AGMO: variants seen among roughly 807,000 people sequenced by gnomAD.
The protein encoded by AGMO is glyceryl-ether monooxygenase.
A neutral mutation model predicts 60.2 loss-of-function variants in AGMO; 75 were observed. The ratio of observed to expected loss-of-function variants is 1.25; its 90% CI spans 1.03 to 1.51. The LOEUF (loss-of-function observed/expected upper bound fraction) is 1.51, where lower values mean the gene tolerates loss of function less well. Among genes scored for constraint, AGMO ranks in the 40% most tolerant of loss-of-function variants. AGMO has a pLI of 0.00. For missense variants in AGMO, 763 were observed against 525.5 expected (o/e 1.45, Z -4.42); for synonymous variants, 261 against 177.1 (o/e 1.47, Z -3.76).
At chr7:15,354,311 C>CACGTGTATACAG (rs1782369785) in intron 12 of AGMO, among the ~76,000 whole-genome samples, 2 of 84,796 alleles carry the variant, frequency 2.4e-5, no homozygotes, top group Non-Finnish European at 4.4e-5. Flanking sequence ...TACGTGTATA[C>CACGTGTATACAG]ACGCGTGTAT....
chr7:15,543,740 G>T (rs1784692728), intron 3 of AGMO, among the ~76,000 whole-genome samples: 2 of 151,910 alleles, frequency 1.3e-5, no homozygotes, highest in Non-Finnish European at 2.9e-5. Context: ...ACATGCATGT[G>T]CAAGTATCTT....
chr7:15,518,614 G>A (rs975325992), intron 3 of AGMO, among the ~76,000 whole-genome samples: 4 of 152,086 alleles, frequency 2.6e-5, no homozygotes, highest in Non-Finnish European at 5.9e-5. Flanking sequence ...CAAACAAGAA[G>A]CAGTAGCATT....
At chr7:15,492,281 C>G (rs948689081) in intron 3 of AGMO, among the ~76,000 whole-genome samples, 2 of 148,622 alleles carry the variant, frequency 1.3e-5, no homozygotes, top group Non-Finnish European at 3.0e-5. Context: ...GGAGTTAAGA[C>G]TAAGTCCTAC....
the AGMO span, among the ~76,000 whole-genome samples, chr7:15,181,291 T>A: frequency 6.6e-6 from 1 of 152,304 alleles, no homozygotes; most frequent in South Asian, 2.1e-4. Flanking sequence ...GTCTTTCACA[T>A]AAAATTTCAA....
At chr7:15,215,105 C>G (rs965253375) in intron 12 of AGMO, among the ~76,000 whole-genome samples, 3 of 152,026 alleles carry the variant, frequency 2.0e-5, no homozygotes, top group Admixed American at 6.6e-5. Flanking sequence ...AAATCGAATA[C>G]TAGCATTTTC....
At chr7:15,232,789 C>CCACACACACA (rs1028271575) in intron 12 of AGMO, among the ~76,000 whole-genome samples, 102 of 88,532 alleles carry the variant, frequency 1.2e-3, no homozygotes, top group Middle Eastern at 6.5e-3. Flanking sequence ...AACATGGAAA[C>CCACACACACA]CACACACACA....
chr7:15,350,704 A>C (rs1194974699), intron 12 of AGMO, among the ~76,000 whole-genome samples: 6 of 152,178 alleles, frequency 3.9e-5, no homozygotes, highest in Admixed American at 2.0e-4. Flanking sequence ...CCTCAGAGAA[A>C]AGGAATGAAC....
chr7:15,387,420 C>T lies in AGMO; in HGVS notation c.943G>A (p.Glu315Lys). ...ACTCTATTTACCTCTGGAATTTCTT[C>T]ACTGAGACCAAGTCTTGGTTTACCT... ...GPGKPRLGLS[E>K]EIPEVTGKEV... The change falls in exon 9 of 13, where the codon GAA becomes AAA. Residue 315 changes from glutamate (E) to lysine (K), a missense_variant. Physicochemically the swap from Glu to Lys is moderately conservative, Grantham distance 56. Transcript: ENST00000342526. The T allele has an allele frequency of 6.2e-7, 1 of 1,612,888 alleles. No homozygotes were observed. Among genetic ancestry groups the T allele is most frequent in the South Asian group, 1.1e-5 (1 of 90,934 alleles).
At chr7:15,487,618 C>T (rs1782956023) in intron 3 of AGMO, among the ~76,000 whole-genome samples, 1 of 151,952 alleles carries the variant, frequency 6.6e-6, no homozygotes, top group South Asian at 2.1e-4. Context: ...AAGCAGGATC[C>T]CATTTTCTCC....
chr7:15,297,986 T>C (rs1416952195), intron 12 of AGMO, among the ~76,000 whole-genome samples: 1 of 152,166 alleles, frequency 6.6e-6, no homozygotes. Flanking sequence ...ATCATTACCG[T>C]CTAAAGGCAA....
chr7:15,383,126 C>T (rs1242574707), intron 10 of AGMO, among the ~76,000 whole-genome samples: 1 of 151,992 alleles, frequency 6.6e-6, no homozygotes, highest in African/African-American at 2.4e-5. Flanking sequence ...CAGTGATGTA[C>T]AGATAAACTA....
chr7:15,141,621 T>C, the AGMO span, among the ~76,000 whole-genome samples: 4 of 151,970 alleles, frequency 2.6e-5, no homozygotes, highest in Non-Finnish European at 5.9e-5. Context: ...AAAAAAACTA[T>C]GTGTTATGCA....
At chr7:15,355,411 G>C (rs960587733) in intron 12 of AGMO, among the ~76,000 whole-genome samples, 1 of 145,248 alleles carries the variant, frequency 6.9e-6, no homozygotes, top group Admixed American at 7.2e-5. Flanking sequence ...GCTGAGGAAG[G>C]AGAACAGCGT....
intron 12 of AGMO, among the ~76,000 whole-genome samples, chr7:15,323,778 T>C (rs1583408655): frequency 6.6e-6 from 1 of 152,308 alleles, no homozygotes; most frequent in African/African-American, 2.4e-5. Flanking sequence ...CGTGGTATTG[T>C]GCTAGATGAT....
chr7:15,354,446 GTGTGTGTATACACA>G (rs1563105639), intron 12 of AGMO, among the ~76,000 whole-genome samples: 1,333 of 19,600 alleles, frequency 0.068, 343 homozygotes, highest in African/African-American at 0.35. Context: ...GTATACACAC[GTGTGTGTATACACA>G]CGTGTGTGTA....
At chr7:15,270,068 A>G (rs989339070) in intron 12 of AGMO, among the ~76,000 whole-genome samples, 2 of 152,092 alleles carry the variant, frequency 1.3e-5, no homozygotes, top group African/African-American at 4.8e-5. Context: ...GCCGCAAAAA[A>G]GATATAAATG....
chr7:15,558,919 T>A (rs1041298587), intron 2 of AGMO, among the ~76,000 whole-genome samples: 2 of 152,056 alleles, frequency 1.3e-5, no homozygotes, highest in Non-Finnish European at 2.9e-5. Context: ...GAAGTAAAGC[T>A]CTTAAAACAG....
chr7:15,417,274 A>G (rs1160972770), intron 5 of AGMO, among the ~76,000 whole-genome samples: 1 of 152,170 alleles, frequency 6.6e-6, no homozygotes, highest in African/African-American at 2.4e-5. Context: ...CTTGGCAAAC[A>G]GGAATAAGTC....
intron 12 of AGMO, among the ~76,000 whole-genome samples, chr7:15,289,721 A>T (rs1784203050): frequency 6.6e-6 from 1 of 152,030 alleles, no homozygotes. Context: ...GTAAATACTG[A>T]ATTATTGTAT....
Sources: allele counts gnomAD v4.1 joint callset (sites outside exome capture counted in the v4.1 genomes callset), GRCh38; gene constraint gnomAD v4.1.1; transcripts MANE v1.5; gene names NCBI Gene and HGNC (gene_info 2026-07-23, HGNC 2026-07-21).